MROH7: variants seen among roughly 807,000 people sequenced by gnomAD.
The protein encoded by MROH7 is maestro heat like repeat family member 7.
A neutral mutation model predicts 129.2 loss-of-function variants in MROH7; 113 were observed. The observed-to-expected ratio is 0.87, with a 90% CI of 0.75 to 1.02. The LOEUF is 1.02. Ranked by LOEUF, MROH7 falls within the 50% of genes least tolerant of loss-of-function variation. The pLI is 0.00. For synonymous variants in MROH7, 655 were observed against 667.9 expected (o/e 0.98, Z 0.30); for missense variants, 1,601 against 1,671.3 (o/e 0.96, Z 0.73).
At chr1:54,675,813 A>C (rs1644971380) in intron 10 of MROH7, among the ~76,000 whole-genome samples, 2 of 151,316 alleles carry the variant, frequency 1.3e-5, no homozygotes, top group African/African-American at 2.4e-5. Flanking sequence ...TCTCTACCAA[A>C]AATACAAAAA....
At position 54,703,763 on chromosome 1, in the gene MROH7, G is replaced by A. The variant is rs909045058; in HGVS notation, c.3564+1018G>A. Among the ~76,000 whole-genome samples, 4 of 152,172 alleles carry A rather than the reference G, an allele frequency of 2.6e-5. No homozygotes were observed. The highest frequency in any genetic ancestry group is 4.8e-5 in the African/African-American group (2 of 41,452). ...TCCCTGTTGTTGTGGGCAGCAGTGA[G>A]CATATGAGGGAGTGCCCCTGGGACC... On this transcript the variant is annotated intron_variant, in intron 21 of 23. Transcript: ENST00000421030. This position sits in a 1 kb window ranked among gnomAD's most constrained non-coding sequence, Gnocchi z 4.4.
intron 1 of MROH7, among the ~76,000 whole-genome samples, chr1:54,642,806 G>A (rs116136388): frequency 0.022 from 3,272 of 151,346 alleles, 101 homozygotes; most frequent in Admixed American, 0.093. Context: ...GTAGTGACGC[G>A]GTTTTGCCAT....
intron 17 of MROH7, chr1:54,697,666 A>T: frequency 4.3e-6 from 3 of 703,340 alleles, no homozygotes; most frequent in Non-Finnish European, 7.8e-6. Context: ...CCCTGCGAAG[A>T]AGGAATTGTG....
Position 54,674,022 on chromosome 1 carries a change from T to G in MROH7, c.1807T>G (p.Leu603Val). The change falls in exon 10 of 24, where the codon TTG (leucine) becomes GTG (valine). Residue 603 changes from leucine to valine, a missense_variant. Coordinates refer to ENST00000421030, the MANE Select transcript of MROH7 (RefSeq NM_001039464.4). The part of the protein sequence containing the change: ...MLLTLPFFMP[L>V]GFPALGLLLG... ...AAGATTGCAATACAAACAGATGCCCTTGGGGTTCCCGGCGCTGGGGCTTCT... is the reference window on the plus strand; with the variant it reads ...AAGATTGCAATACAAACAGATGCCCGTGGGGTTCCCGGCGCTGGGGCTTCT... The G allele has an allele frequency of 6.2e-7, 1 of 1,614,002 alleles. No homozygotes were observed. The highest frequency in any genetic ancestry group is 1.7e-4 in the Middle Eastern group (1 of 6,044).
intron 3 of MROH7, among the ~76,000 whole-genome samples, chr1:54,659,340 T>C (rs1402399121): frequency 6.6e-6 from 1 of 152,176 alleles, no homozygotes; most frequent in Non-Finnish European, 1.5e-5. Context: ...TGGAGTGTAA[T>C]GGCACAATCT....
At chr1:54,678,589 C>T (rs558029485) in intron 10 of MROH7, among the ~76,000 whole-genome samples, 153 bp from the exon 11 acceptor site, 2 of 152,244 alleles carry the variant, frequency 1.3e-5, no homozygotes, top group South Asian at 2.1e-4. Context: ...GTGCTGATCA[C>T]GTTCTGCTTC....
At position 54,670,928 on chromosome 1, in the gene MROH7, A is replaced by G; in HGVS notation, c.1598A>G (p.Gln533Arg). 1.3e-6 allele frequency: 2 copies of G among 1,599,864 alleles called. No individual in the cohort carries two copies. Among genetic ancestry groups the G allele is most frequent in the South Asian group, 1.1e-5 (1 of 88,624 alleles). ...EKDEAKAETIQALYHQTLEAL... is the reference protein window; with the variant it reads ...EKDEAKAETIRALYHQTLEAL... The stretch of plus-strand genomic sequence containing the variant: ...GACGAGGCCAAGGCTGAGACCATCC[A>G]GGTGAGGCGGGACCTTCCCAGCAGG... The change falls in exon 7 of 24, where the codon CAG becomes CGG. Residue 533 changes from glutamine (Q) to arginine (R), a missense_variant and splice_region_variant. Coordinates refer to ENST00000421030, the MANE Select transcript of MROH7 (RefSeq NM_001039464.4).
At chr1:54,683,225 C>T (rs888818139) in intron 14 of MROH7, among the ~76,000 whole-genome samples, 2 of 152,124 alleles carry the variant, frequency 1.3e-5, no homozygotes, top group Non-Finnish European at 2.9e-5. Context: ...AAGTCACTTC[C>T]ACCTCTATGA....
intron 14 of MROH7, 131 bp from the exon 15 acceptor site, chr1:54,686,127 A>T: frequency 1.3e-6 from 1 of 747,988 alleles, no homozygotes; most frequent in Non-Finnish European, 2.1e-6. Context: ...GGGGAATCCC[A>T]GCTTCCCCAG....
chr1:54,676,759 A>G (rs1644988159), intron 10 of MROH7, among the ~76,000 whole-genome samples: 1 of 147,908 alleles, frequency 6.8e-6, no homozygotes, highest in African/African-American at 2.5e-5. Flanking sequence ...CCCAGGCTGG[A>G]GTGCAGTGGT....
At chr1:54,673,572 A>AG in intron 8 of MROH7, 129 bp from the exon 9 acceptor site, 1 of 694,426 alleles carries the variant, frequency 1.4e-6, no homozygotes, top group South Asian at 1.7e-5. Context: ...CAAGAAGAGG[A>AG]GGAGGGCTGT....
Position 54,703,180 on chromosome 1 carries a change from G to A in MROH7, c.3564+435G>A, listed in dbSNP as rs1190685701. ...ATCGTTGCCCTTAATTCAGGGCACC[G>A]ACACCCCTCAGTTAGGCTATTGGCC... On this transcript the variant is annotated intron_variant, in intron 21 of 23. Coordinates refer to ENST00000421030, the MANE Select transcript of MROH7 (RefSeq NM_001039464.4). This position sits in a 1 kb window ranked among gnomAD's most constrained non-coding sequence, Gnocchi z 4.4. 2.0e-5 allele frequency among the ~76,000 whole-genome samples: 3 copies of A among 151,874 alleles called. No individual in the cohort carries two copies. Among genetic ancestry groups the A allele is most frequent in the African/African-American group, 4.8e-5 (2 of 41,290 alleles).
intron 16 of MROH7, among the ~76,000 whole-genome samples, chr1:54,694,067 A>C (rs1245774994): frequency 1.3e-5 from 2 of 152,044 alleles, no homozygotes; most frequent in African/African-American, 2.4e-5. Context: ...TTTTTAGTAG[A>C]GACGGAGTTT....
intron 1 of MROH7, among the ~76,000 whole-genome samples, chr1:54,649,313 C>A (rs889569294): frequency 6.6e-6 from 1 of 152,270 alleles, no homozygotes; most frequent in African/African-American, 2.4e-5. Context: ...ACCTTTCCAT[C>A]TGGGGCTCCA....
intron 14 of MROH7, 111 bp downstream of exon 14, chr1:54,682,905 C>T: frequency 8.0e-7 from 1 of 1,253,848 alleles, no homozygotes; most frequent in Non-Finnish European, 1.1e-6. Flanking sequence ...CTGCCAGTAA[C>T]TAGTTGTGTG....
Position 54,702,112 on chromosome 1 carries a change from C to T in MROH7, c.3308C>T (p.Ser1103Phe), listed in dbSNP as rs748659707. The T allele has an allele frequency of 1.2e-5, 19 of 1,607,464 alleles. No individual in the cohort carries two copies. The highest frequency in any genetic ancestry group is 6.7e-5 in the Admixed American group (4 of 59,420). ...FSDAREVVRSSCINLYGKVVQ... is the reference protein window; with the variant it reads ...FSDAREVVRSFCINLYGKVVQ... Reference sequence around the variant, plus strand: ...CAGGCACGAGAGGTCGTGCGCTCCTCCTGCATCAACCTGTATGGGAAGGTG... The same window carrying T: ...CAGGCACGAGAGGTCGTGCGCTCCTTCTGCATCAACCTGTATGGGAAGGTG... Residue 1103 changes from serine to phenylalanine, a missense_variant, in exon 20 of 24, where the codon TCC (serine) becomes TTC (phenylalanine). Ser to Phe is a radical substitution (Grantham distance 155). Transcript: ENST00000421030.
At chr1:54,649,154 C>A (rs988085117) in intron 1 of MROH7, among the ~76,000 whole-genome samples, 2 of 152,196 alleles carry the variant, frequency 1.3e-5, no homozygotes, top group African/African-American at 4.8e-5. Context: ...ATGAACTGGA[C>A]AATCTATTGA....
In MROH7 at chr1:54,653,764, T is replaced by A. The variant is rs1049411858; in HGVS notation, c.838T>A (p.Ser280Thr). The change falls in exon 3 of 24, where the codon TCC becomes ACC. Residue 280 changes from serine (S) to threonine (T), a missense_variant. Coordinates refer to ENST00000421030, the MANE Select transcript of MROH7 (RefSeq NM_001039464.4). The part of the protein sequence containing the change: ...TSSKETMNVA[S>T]SGHSRSDLSV... ...TTCAAAGGAAACCATGAATGTGGCT[T>A]CCAGCGGCCACTCCAGATCTGATTT... is the stretch of plus-strand genomic sequence containing the variant. 6.2e-7 allele frequency: 1 copy of A among 1,614,086 alleles called. No homozygotes were observed. Among genetic ancestry groups the A allele is most frequent in the Non-Finnish European group, 8.5e-7 (1 of 1,180,038 alleles).
chr1:54,686,467 C>T lies in MROH7; in HGVS notation c.2711+19C>T, dbSNP rs761599920. 9 of 1,607,756 alleles carry T rather than the reference C, an allele frequency of 5.6e-6. No individual in the cohort carries two copies. The highest frequency in any genetic ancestry group is 1.3e-5 in the African/African-American group (1 of 74,860). ...CTGTGCGGTATGCTCTGCCCTCTCT[C>T]TTGACCCTGCTGTCCCCGGTGGTGG... On this transcript the variant is annotated intron_variant, in intron 15 of 23. Coordinates refer to ENST00000421030, the MANE Select transcript of MROH7 (RefSeq NM_001039464.4).
Sources: allele counts gnomAD v4.1 joint callset (sites outside exome capture counted in the v4.1 genomes callset), GRCh38; gene constraint gnomAD v4.1.1; non-coding constraint Gnocchi (gnomAD v3.1); transcripts MANE v1.5; gene names NCBI Gene and HGNC (gene_info 2026-07-23, HGNC 2026-07-21).